Variants in UNC80 observed in about 807,000 individuals in gnomAD.
UNC80 encodes unc-80 subunit of NALCN channel complex.
Under a neutral mutation model 384.6 loss-of-function variants are expected in UNC80, and 164 were observed. The observed-to-expected ratio is 0.43, with a 90% CI of 0.38 to 0.49. The LOEUF is 0.49. UNC80 is among the 20% of genes least tolerant of loss of function. UNC80 has a pLI of 0.00. For synonymous variants in UNC80, 1,486 were observed against 1,527.8 expected (o/e 0.97, Z 0.64); for missense variants, 3,330 against 4,143.0 (o/e 0.80, Z 5.39).
chr2:209,890,202 T>G (rs2086202236), intron 26 of UNC80, among the ~76,000 whole-genome samples: 1 of 152,232 alleles, frequency 6.6e-6, no homozygotes, highest in Admixed American at 6.5e-5. Context: ...AATATGTCTA[T>G]GTTTCTATGT....
Position 209,995,618 on chromosome 2 carries a change from A to C in UNC80, c.*23A>C, listed in dbSNP as rs994561339. 22 of 1,547,748 alleles carry C rather than the reference A, an allele frequency of 1.4e-5. No individual in the cohort carries two copies. Among genetic ancestry groups the C allele is most frequent in the Admixed American group, 2.0e-5 (1 of 50,714 alleles). Reference sequence around the variant, plus strand: ...TAATTCTGTATCTTGTAAGCTCTGCAGGTATAGAGAAGACATGAAAGTGAT... The same window carrying C: ...TAATTCTGTATCTTGTAAGCTCTGCCGGTATAGAGAAGACATGAAAGTGAT... On this transcript the variant is annotated 3_prime_UTR_variant, in exon 65 of 65. Transcript: ENST00000673920.
chr2:209,776,731 C>T (rs999615144), intron 3 of UNC80, among the ~76,000 whole-genome samples: 1 of 152,212 alleles, frequency 6.6e-6, no homozygotes, highest in African/African-American at 2.4e-5. Context: ...GCATATTTGC[C>T]TCAGACATTT....
In UNC80 at chr2:209,967,437, G is replaced by A; in HGVS notation, c.7806G>A (p.Arg2602=). 1 of 1,548,250 alleles carries A rather than the reference G, an allele frequency of 6.5e-7. No individual in the cohort carries two copies. Residue 2602 remains arginine (R), a splice_region_variant and synonymous_variant, in exon 52 of 65, where the codon AGG becomes AGA. Transcript: ENST00000673920. ...ATATATACATATATATATATTTTAG[G>A]TTGGCAGAAATTGCACACTCCCTTC... ...LELLDVKSHM[R]LAEIAHSLLK...
rs189351929 is a variant in UNC80, at chr2:209,898,979, C to G, written c.4581+2566C>G. Reference sequence around the variant, plus strand: ...TTCTTCTTTATGGCTGAGTAGTACTCTATTGTGTATATGTACCACATTTTC... The same window carrying G: ...TTCTTCTTTATGGCTGAGTAGTACTGTATTGTGTATATGTACCACATTTTC... On this transcript the variant is annotated intron_variant, in intron 28 of 64. Transcript: ENST00000673920. Among the ~76,000 whole-genome samples, 10 of 152,248 alleles carry G rather than the reference C, an allele frequency of 6.6e-5. No homozygotes were observed. In the East Asian group the frequency reaches 1.9e-3, roughly 29 times the overall value.
At chr2:209,780,482 G>T (rs2077095217) in intron 4 of UNC80, among the ~76,000 whole-genome samples, 1 of 152,184 alleles carries the variant, frequency 6.6e-6, no homozygotes, top group Non-Finnish European at 1.5e-5. Context: ...TTTTCAAGTT[G>T]TTGGGGAATG....
At position 209,791,889 on chromosome 2, in the gene UNC80, G is replaced by A. The variant is rs1384809932; in HGVS notation, c.799-1831G>A. ...TTCCCCCTAAACTCTTGTCTTATTA[G>A]TCTAAGCCTGCACTGTCCAATATGA... On this transcript the variant is annotated intron_variant, in intron 6 of 64. Coordinates refer to ENST00000673920, the MANE Select transcript of UNC80 (RefSeq NM_001371986.1). Among the ~76,000 whole-genome samples, 7 of 139,484 alleles carry A rather than the reference G, an allele frequency of 5.0e-5. No homozygotes were observed. In the East Asian group the frequency reaches 1.7e-3, roughly 33 times the overall value. 91.5% of individuals were successfully genotyped at this position (139,484 alleles called of 152,430 possible).
chr2:209,913,734 A>G lies in UNC80; in HGVS notation c.4891-68A>G, dbSNP rs1335231937. On this transcript the variant is annotated intron_variant, in intron 30 of 64. Coordinates refer to ENST00000673920, the MANE Select transcript of UNC80 (RefSeq NM_001371986.1). ...GCAGAGAGAGGGGACGTGGCTTTTAAGTTTCAAGAGAAGTGCAGTATTCAC... is the reference window on the plus strand; with the variant it reads ...GCAGAGAGAGGGGACGTGGCTTTTAGGTTTCAAGAGAAGTGCAGTATTCAC... The G allele has an allele frequency of 5.5e-6, 8 of 1,444,968 alleles. No homozygotes were observed. In the East Asian group the frequency reaches 1.5e-4, roughly 27 times the overall value. The allele number at this position is 1,444,968 out of a possible 1,614,324, so 89.5% of individuals were successfully genotyped here. A position where few individuals can be genotyped will look rare whatever the true frequency, so the allele number is the denominator to read the frequency against.
At chr2:209,786,010 C>T in intron 4 of UNC80, 56 bp from the exon 5 acceptor site, 2 of 1,587,926 alleles carry the variant, frequency 1.3e-6, no homozygotes, top group Non-Finnish European at 8.6e-7. Flanking sequence ...TGATTGGTCC[C>T]TTTAAGCAGC....
intron 11 of UNC80, among the ~76,000 whole-genome samples, chr2:209,818,727 TAGAC>T (rs1191577146): frequency 2.0e-5 from 3 of 152,248 alleles, no homozygotes; most frequent in Admixed American, 6.5e-5. Context: ...AAGTCAGTGT[TAGAC>T]AGAAGTTAAA....
chr2:209,860,070 T>G (rs1180191195), intron 22 of UNC80, among the ~76,000 whole-genome samples: 2 of 152,240 alleles, frequency 1.3e-5, no homozygotes, highest in Non-Finnish European at 2.9e-5. Context: ...TGCAATTGCT[T>G]TTGGCATTTT....
chr2:209,816,812 T>A, intron 9 of UNC80, 97 bp from the exon 10 acceptor site: 1 of 1,105,444 alleles, frequency 9.0e-7, no homozygotes, highest in South Asian at 1.5e-5. Flanking sequence ...TCCTGGCACA[T>A]TTCTTGTATT....
intron 45 of UNC80, among the ~76,000 whole-genome samples, chr2:209,944,476 ATC>A (rs2091815328): frequency 6.6e-6 from 1 of 152,068 alleles, no homozygotes; most frequent in Non-Finnish European, 1.5e-5. Context: ...TTATTGTTGT[ATC>A]GTTGTTTTAT....
Position 209,834,096 on chromosome 2 carries a change from G to C in UNC80, c.2870G>C (p.Ser957Thr). ...GTGGCCCTCAGCGCTCTGCTTGACA[G>C]TGCCGAGAAGTTAGCACCAGGGAAA... ...RRVALSALLD[S>T]AEKLAPGKKV... Residue 957 changes from serine to threonine, a missense_variant, in exon 17 of 65, where the codon AGT becomes ACT. Coordinates refer to ENST00000673920, the MANE Select transcript of UNC80 (RefSeq NM_001371986.1). 1 of 1,551,662 alleles carries C rather than the reference G, an allele frequency of 6.4e-7. No individual in the cohort carries two copies. The highest frequency in any genetic ancestry group is 8.7e-7 in the Non-Finnish European group (1 of 1,146,968).
intron 6 of UNC80, among the ~76,000 whole-genome samples, chr2:209,792,493 G>A (rs1270340521): frequency 1.3e-5 from 2 of 152,064 alleles, no homozygotes; most frequent in South Asian, 2.1e-4. Context: ...GACTACAGGC[G>A]CCCACCACCG....
At chr2:209,879,036 G>GTT (rs79480053) in intron 24 of UNC80, among the ~76,000 whole-genome samples, 1 of 142,878 alleles carries the variant, frequency 7.0e-6, no homozygotes, top group African/African-American at 2.6e-5. Flanking sequence ...TCCTTCCAAA[G>GTT]TTTTTTTTTT....
chr2:209,962,477 A>C (rs956285136), intron 51 of UNC80, among the ~76,000 whole-genome samples: 1 of 152,204 alleles, frequency 6.6e-6, no homozygotes, highest in Non-Finnish European at 1.5e-5. Flanking sequence ...TCCCCATAGT[A>C]GATAAAGTGC....
chr2:209,817,522 G>T (rs2079828262), intron 10 of UNC80, among the ~76,000 whole-genome samples: 1 of 151,584 alleles, frequency 6.6e-6, no homozygotes, highest in African/African-American at 2.4e-5. Flanking sequence ...TTTCTGGATT[G>T]CATACTAAAT....
intron 12 of UNC80, 138 bp downstream of exon 12, chr2:209,819,399 A>G: frequency 1.1e-6 from 1 of 925,956 alleles, no homozygotes; most frequent in Admixed American, 3.1e-5. Context: ...CACTGAAAAA[A>G]ATTCACCAAT....
intron 52 of UNC80, chr2:209,969,477 A>G (rs2092822272): frequency 2.7e-6 from 1 of 366,798 alleles, no homozygotes; most frequent in Non-Finnish European, 4.9e-6. Context: ...CTATGATGGT[A>G]GTCTTAGGAC....
Sources: allele counts gnomAD v4.1 joint callset (sites outside exome capture counted in the v4.1 genomes callset), GRCh38; gene constraint gnomAD v4.1.1; transcripts MANE v1.5; gene names NCBI Gene and HGNC (gene_info 2026-07-23, HGNC 2026-07-21).